The following TMEM196 variants were observed in gnomAD, a reference collection of about 807,000 sequenced individuals.
The protein encoded by TMEM196 is transmembrane protein 196.
TMEM196 carries 17 observed loss-of-function variants against 20.0 expected under a neutral mutation model. The ratio of observed to expected loss-of-function variants is 0.85; its 90% CI spans 0.58 to 1.27. The LOEUF (loss-of-function observed/expected upper bound fraction) is 1.27, where lower values mean the gene tolerates loss of function less well. Ranked by LOEUF, TMEM196 falls within the 50% of genes most tolerant of loss-of-function variation. TMEM196 has a pLI of 0.00. For synonymous variants in TMEM196, 113 were observed against 88.9 expected (o/e 1.27, Z -1.52); for missense variants, 267 against 223.0 (o/e 1.20, Z -1.26).
At chr7:19,770,396 G>A (rs1021524493) in intron 1 of TMEM196, among the ~76,000 whole-genome samples, 1 of 152,178 alleles carries the variant, frequency 6.6e-6, no homozygotes, top group Non-Finnish European at 1.5e-5. Context: ...ATTGAAGAAA[G>A]TGAGGTAGTT....
intron 1 of TMEM196, among the ~76,000 whole-genome samples, chr7:19,734,458 T>C (rs2128019010): frequency 6.6e-6 from 1 of 152,306 alleles, no homozygotes; most frequent in South Asian, 2.1e-4. Context: ...TTGAATTAAG[T>C]TTCTTGAGAT....
At chr7:19,744,013 T>A (rs765982997) in intron 1 of TMEM196, among the ~76,000 whole-genome samples, 6 of 152,174 alleles carry the variant, frequency 3.9e-5, no homozygotes, top group Non-Finnish European at 8.8e-5. Flanking sequence ...GTGAGGTTTT[T>A]AAGGACTAGA....
chr7:19,767,590 G>A (rs866735137), intron 1 of TMEM196, among the ~76,000 whole-genome samples: 54 of 152,096 alleles, frequency 3.6e-4, no homozygotes, highest in Middle Eastern at 3.4e-3. Context: ...AGGGAGTAGG[G>A]AAAAGGACTT....
chr7:19,756,748 C>T (rs1217973457), intron 1 of TMEM196, among the ~76,000 whole-genome samples: 1 of 152,158 alleles, frequency 6.6e-6, no homozygotes, highest in South Asian at 2.1e-4. Flanking sequence ...TGGCCTCTAG[C>T]TCCATCCATG....
At chr7:19,752,860 G>A (rs2189570) in intron 1 of TMEM196, among the ~76,000 whole-genome samples, 22,337 of 151,890 alleles carry the variant, frequency 0.15, 2,003 homozygotes, top group East Asian at 0.42. Context: ...TGATCCACCT[G>A]CCTCAGCCTC....
intron 1 of TMEM196, among the ~76,000 whole-genome samples, chr7:19,769,710 C>CA (rs1340597340): frequency 6.6e-6 from 1 of 151,624 alleles, no homozygotes; most frequent in East Asian, 2.0e-4. Context: ...GGAAAAAAAA[C>CA]AATACAACAA....
intron 1 of TMEM196, among the ~76,000 whole-genome samples, chr7:19,747,981 T>C (rs942041573): frequency 6.6e-6 from 1 of 152,176 alleles, no homozygotes; most frequent in African/African-American, 2.4e-5. Flanking sequence ...AACTAAAATA[T>C]TGATCGTTAC....
intron 1 of TMEM196, among the ~76,000 whole-genome samples, chr7:19,749,282 A>T (rs1029248624): frequency 6.6e-6 from 1 of 152,192 alleles, no homozygotes; most frequent in African/African-American, 2.4e-5. Flanking sequence ...CGTGATACGG[A>T]GAGAGCCAAT....
chr7:19,761,106 C>T (rs1001507020), intron 1 of TMEM196, among the ~76,000 whole-genome samples: 2 of 152,194 alleles, frequency 1.3e-5, no homozygotes, highest in Non-Finnish European at 2.9e-5. Flanking sequence ...ATCCAGATCC[C>T]TGAGCCTTCC....
chr7:19,747,573 C>T (rs1043979631), intron 1 of TMEM196, among the ~76,000 whole-genome samples: 3 of 151,974 alleles, frequency 2.0e-5, no homozygotes, highest in African/African-American at 7.3e-5. Context: ...TCCTCAGATA[C>T]ATTTTTTTCA....
rs1783815006 is a variant in TMEM196, at chr7:19,721,614, T to C, written c.*514A>G. The C allele has an allele frequency of 6.6e-6, 1 of 152,172 alleles. No homozygotes were observed. The highest frequency in any genetic ancestry group is 2.1e-4 in the South Asian group (1 of 4,838). 9.4% of individuals were successfully genotyped at this position (152,172 alleles called of 1,614,324 possible). Reference sequence around the variant, plus strand: ...GTTGAAAATAATTACAATGTTTTTATAACAAGGCATTACTGAGGTTTTGAA... The same window carrying C: ...GTTGAAAATAATTACAATGTTTTTACAACAAGGCATTACTGAGGTTTTGAA... On this transcript the variant is annotated 3_prime_UTR_variant, in exon 5 of 5. Transcript: ENST00000405844.
At position 19,720,192 on chromosome 7, in the gene TMEM196, C is replaced by A. The variant is rs575372398; in HGVS notation, c.*1936G>T. On this transcript the variant is annotated 3_prime_UTR_variant, in exon 5 of 5. Transcript: ENST00000405844. ...TATATGAGGTTGCATTTATGGACAA[C>A]TTCTGTAATCTACTAGGCAATGAAG... is the stretch of plus-strand genomic sequence containing the variant. 2 of 152,062 alleles carry A rather than the reference C, an allele frequency of 1.3e-5. No homozygotes were observed. Among genetic ancestry groups the A allele is most frequent in the South Asian group, 4.1e-4 (2 of 4,824 alleles). 9.4% of individuals were successfully genotyped at this position (152,062 alleles called of 1,614,324 possible). A position where few individuals can be genotyped will look rare whatever the true frequency, so the allele number is the denominator to read the frequency against.
rs928604347 is a variant in TMEM196 at position 19,720,696 on chromosome 7, A to G, written c.*1432T>C. On this transcript the variant is annotated 3_prime_UTR_variant, in exon 5 of 5. Transcript: ENST00000405844. Reference sequence around the variant, plus strand: ...TTCCATTATTAGAGGAAAGGATTGAATCTAGCTATACAAATGTTAGCCTAT... The same window carrying G: ...TTCCATTATTAGAGGAAAGGATTGAGTCTAGCTATACAAATGTTAGCCTAT... 1 of 151,962 alleles carries G rather than the reference A, an allele frequency of 6.6e-6. No individual in the cohort carries two copies. The highest frequency in any genetic ancestry group is 2.4e-5 in the African/African-American group (1 of 41,440). The allele number at this position is 151,962 out of a possible 1,614,324, so 9.4% of individuals were successfully genotyped here. A position where few individuals can be genotyped will look rare whatever the true frequency, so the allele number is the denominator to read the frequency against.
At chr7:19,747,220 A>G (rs1784787373) in intron 1 of TMEM196, among the ~76,000 whole-genome samples, 1 of 149,634 alleles carries the variant, frequency 6.7e-6, no homozygotes, top group Non-Finnish European at 1.5e-5. Flanking sequence ...GCGCCACTGC[A>G]CTCCAGCCTG....
intron 1 of TMEM196, among the ~76,000 whole-genome samples, chr7:19,749,400 G>A (rs915795679): frequency 1.3e-5 from 2 of 152,190 alleles, no homozygotes; most frequent in African/African-American, 4.8e-5. Flanking sequence ...CCTATAAAGT[G>A]GGTGGGATTT....
chr7:19,740,594 A>T (rs1348217502), intron 1 of TMEM196, among the ~76,000 whole-genome samples: 1 of 152,172 alleles, frequency 6.6e-6, no homozygotes, highest in Non-Finnish European at 1.5e-5. Context: ...GTGGCTATTT[A>T]AAAAATACTA....
Position 19,772,921 on chromosome 7 carries a change from G to A in TMEM196, c.-225C>T. 1 of 387,408 alleles carries A rather than the reference G, an allele frequency of 2.6e-6. No individual in the cohort carries two copies. The highest frequency in any genetic ancestry group is 4.5e-6 in the Non-Finnish European group (1 of 220,268). 24.0% of individuals were successfully genotyped at this position (387,408 alleles called of 1,614,324 possible). A position where few individuals can be genotyped will look rare whatever the true frequency, so the allele number is the denominator to read the frequency against. ...TCCACCCCCTGGCACGTTCAGATAG[G>A]GATCGTAGAAGGATCTTCCTGGGTT... On this transcript the variant is annotated 5_prime_UTR_variant, in exon 1 of 5. Transcript: ENST00000405844.
intron 1 of TMEM196, among the ~76,000 whole-genome samples, chr7:19,766,978 A>T (rs1327404628): frequency 6.6e-6 from 1 of 152,148 alleles, no homozygotes; most frequent in African/African-American, 2.4e-5. Context: ...ATTTATTCAG[A>T]TGTTTCTATC....
intron 1 of TMEM196, among the ~76,000 whole-genome samples, chr7:19,746,537 G>A (rs544966727): frequency 9.8e-4 from 149 of 152,276 alleles, no homozygotes; most frequent in African/African-American, 3.4e-3. Context: ...TCAGTGTCCT[G>A]GGATATTTAT....
Sources: gnomAD v4.1 joint callset for allele counts (sites outside exome capture counted in the v4.1 genomes callset) on GRCh38, gnomAD v4.1.1 for gene constraint, MANE v1.5 for transcripts, NCBI Gene and HGNC (gene_info 2026-07-23, HGNC 2026-07-21) for gene names.